TRAPPC12: variants seen among roughly 807,000 people sequenced by gnomAD.
The protein encoded by TRAPPC12 is trafficking protein particle complex subunit 12.
A neutral mutation model predicts 69.2 loss-of-function variants in TRAPPC12; 61 were observed. The ratio of observed to expected loss-of-function variants is 0.88; its 90% CI spans 0.72 to 1.09. The LOEUF (loss-of-function observed/expected upper bound fraction) is 1.09. TRAPPC12 is among the 50% of genes least tolerant of loss of function. The pLI is 0.00. For synonymous variants in TRAPPC12, 469 were observed against 438.9 expected (o/e 1.07, Z -0.86); for missense variants, 1,101 against 1,016.4 (o/e 1.08, Z -1.13).
chr2:3,477,824 T>A (rs1364941383), intron 10 of TRAPPC12, 29 bp downstream of exon 10: 1 of 1,507,132 alleles, frequency 6.6e-7, no homozygotes, highest in Admixed American at 2.0e-5. Context: ...AATATATGTT[T>A]TCTCAAATTT....
chr2:3,424,514 T>G lies in TRAPPC12; in HGVS notation c.1279-11T>G. The G allele has an allele frequency of 6.2e-7, 1 of 1,611,912 alleles. No homozygotes were observed. The highest frequency in any genetic ancestry group is 8.5e-7 in the Non-Finnish European group (1 of 1,179,434). Reference sequence around the variant, plus strand: ...AGATAACCTATTGTTTCCATTGTATTTTGTTTTTAGCTCTGGTTTGTCAGG... The same window carrying G: ...AGATAACCTATTGTTTCCATTGTATGTTGTTTTTAGCTCTGGTTTGTCAGG... On this transcript the variant is annotated splice_polypyrimidine_tract_variant and intron_variant, in intron 4 of 11. Coordinates refer to ENST00000324266, the MANE Select transcript of TRAPPC12 (RefSeq NM_016030.6).
chr2:3,425,750 A>G (rs371922858), intron 5 of TRAPPC12, among the ~76,000 whole-genome samples: 1 of 152,258 alleles, frequency 6.6e-6, no homozygotes, highest in Non-Finnish European at 1.5e-5. Flanking sequence ...GATTGGAGGT[A>G]GAAAATATTT....
Position 3,424,536 on chromosome 2 carries a change from C to A in TRAPPC12, c.1290C>A (p.Val430=), listed in dbSNP as rs1308469867. The change falls in exon 5 of 12, where the codon GTC becomes GTA. Residue 430 remains valine, a synonymous_variant. Transcript: ENST00000324266. ...TATTTTGTTTTTAGCTCTGGTTTGT[C>A]AGGCTGGCACTACTAGTGAAGTTGG... The part of the protein sequence containing the change: ...HTTDSLQLWF[V]RLALLVKLGL... The A allele has an allele frequency of 6.2e-7, 1 of 1,612,356 alleles. No homozygotes were observed. The highest frequency in any genetic ancestry group is 1.3e-5 in the African/African-American group (1 of 74,732).
chr2:3,451,422 C>T (rs887273864), intron 6 of TRAPPC12, among the ~76,000 whole-genome samples: 7 of 152,254 alleles, frequency 4.6e-5, no homozygotes, highest in African/African-American at 1.7e-4. Context: ...ACTCCTCTTC[C>T]CTGCATTTCC....
intron 3 of TRAPPC12, among the ~76,000 whole-genome samples, chr2:3,421,354 G>C (rs900498397): frequency 7.9e-5 from 12 of 152,170 alleles, no homozygotes; most frequent in African/African-American, 2.9e-4. Flanking sequence ...CACGGGCCTG[G>C]AACATGTTGT....
chr2:3,454,026 A>G (rs571380964), intron 6 of TRAPPC12, among the ~76,000 whole-genome samples: 1 of 151,688 alleles, frequency 6.6e-6, no homozygotes, highest in African/African-American at 2.4e-5. Flanking sequence ...TACAAATAAA[A>G]CAATAGTCAC....
chr2:3,424,764 C>T, intron 5 of TRAPPC12, 101 bp downstream of exon 5: 1 of 1,327,444 alleles, frequency 7.5e-7, no homozygotes, highest in African/African-American at 1.5e-5. Flanking sequence ...CTTATTTATC[C>T]AGTCTTGAAA....
At chr2:3,444,391 G>A (rs540044128) in intron 6 of TRAPPC12, among the ~76,000 whole-genome samples, 1 of 152,364 alleles carries the variant, frequency 6.6e-6, no homozygotes, top group African/African-American at 2.4e-5. Flanking sequence ...ACTCATTCTT[G>A]GTTGTGAAGT....
chr2:3,465,683 G>T lies in TRAPPC12; in HGVS notation c.1764G>T (p.Arg588=). The T allele has an allele frequency of 6.2e-7, 1 of 1,614,030 alleles. No homozygotes were observed. The highest frequency in any genetic ancestry group is 2.2e-5 in the East Asian group (1 of 44,890). Residue 588 remains arginine (R), a synonymous_variant, in exon 9 of 12, where the codon CGG becomes CGT. Coordinates refer to ENST00000324266, the MANE Select transcript of TRAPPC12 (RefSeq NM_016030.6). The part of the protein sequence containing the change: ...QEPQLLSGIG[R]ISLQIGDIKT... ...CCCAGCTGCTCAGCGGCATCGGCCG[G>T]ATTTCCCTGCAGGTACCTGTGCACG...
At chr2:3,426,695 C>A (rs1420465240) in intron 5 of TRAPPC12, among the ~76,000 whole-genome samples, 1 of 152,194 alleles carries the variant, frequency 6.6e-6, no homozygotes, top group Non-Finnish European at 1.5e-5. Flanking sequence ...TATTTCTTCT[C>A]CTGCACTCCA....
intron 1 of TRAPPC12, among the ~76,000 whole-genome samples, chr2:3,380,816 C>A (rs1304388984): frequency 6.6e-6 from 1 of 152,224 alleles, no homozygotes; most frequent in African/African-American, 2.4e-5. Flanking sequence ...TGTGTCTGTG[C>A]AGCTCTTCAC....
chr2:3,400,769 C>T (rs1474449225), intron 2 of TRAPPC12, among the ~76,000 whole-genome samples: 1 of 152,154 alleles, frequency 6.6e-6, no homozygotes, highest in East Asian at 1.9e-4. Flanking sequence ...ATACAACAGA[C>T]TTGGTAACTT....
intron 5 of TRAPPC12, among the ~76,000 whole-genome samples, chr2:3,434,426 G>A (rs4557008): frequency 0.026 from 4,018 of 152,052 alleles, 165 homozygotes; most frequent in African/African-American, 0.092. Flanking sequence ...TTTTTCCTTC[G>A]GATTTTTATT....
intron 9 of TRAPPC12, among the ~76,000 whole-genome samples, chr2:3,476,389 G>A (rs1666292432): frequency 6.6e-6 from 1 of 152,180 alleles, no homozygotes; most frequent in Admixed American, 6.5e-5. Context: ...ACCAGCCACG[G>A]GGCCCTGATT....
chr2:3,453,259 A>G (rs1244621682), intron 6 of TRAPPC12, among the ~76,000 whole-genome samples: 1 of 152,190 alleles, frequency 6.6e-6, no homozygotes, highest in African/African-American at 2.4e-5. Context: ...AGCAGGCGCT[A>G]AGCACCACCC....
At chr2:3,441,414 T>A (rs1381603033) in intron 5 of TRAPPC12, among the ~76,000 whole-genome samples, 1 of 152,138 alleles carries the variant, frequency 6.6e-6, no homozygotes, top group African/African-American at 2.4e-5. Context: ...ATTCTTTTAC[T>A]GTTCATAGGA....
At chr2:3,459,850 TC>T (rs1044703945) in intron 7 of TRAPPC12, 3 of 317,848 alleles carry the variant, frequency 9.4e-6, no homozygotes, top group African/African-American at 6.7e-5. Flanking sequence ...CTCCCATAGG[TC>T]AACTGCGAGA....
intron 2 of TRAPPC12, among the ~76,000 whole-genome samples, chr2:3,392,280 T>C (rs1406758673): frequency 1.6e-5 from 2 of 124,752 alleles, no homozygotes; most frequent in East Asian, 2.2e-4. Flanking sequence ...AAGCCTGCCA[T>C]GTCCCAGGCA....
intron 9 of TRAPPC12, chr2:3,467,362 C>G (rs939305743): frequency 6.6e-6 from 1 of 152,248 alleles, no homozygotes; most frequent in African/African-American, 2.4e-5. Context: ...AATTATTTAT[C>G]AGGCCTCGCT....
Sources: allele counts gnomAD v4.1 joint callset (sites outside exome capture counted in the v4.1 genomes callset), GRCh38; gene constraint gnomAD v4.1.1; transcripts MANE v1.5; gene names NCBI Gene and HGNC (gene_info 2026-07-23, HGNC 2026-07-21).